PDSS2: variants seen among roughly 807,000 people sequenced by gnomAD.
The protein encoded by PDSS2 is all trans-polyprenyl-diphosphate synthase PDSS2.
Under a neutral mutation model 44.5 loss-of-function variants are expected in PDSS2, and 31 were observed. The ratio of observed to expected loss-of-function variants is 0.70; its 90% CI spans 0.52 to 0.94. The LOEUF (loss-of-function observed/expected upper bound fraction) is 0.94, where lower values mean the gene tolerates loss of function less well. Ranked by LOEUF, PDSS2 falls within the 40% of genes least tolerant of loss-of-function variation. The probability of loss-of-function intolerance (pLI) is 0.00; values close to 1 mark genes in which losing one functional copy is unlikely to be tolerated. For missense variants in PDSS2, 452 were observed against 482.2 expected (o/e 0.94, Z 0.59); for synonymous variants, 157 against 180.3 (o/e 0.87, Z 1.03).
chr6:107,355,134 T>C (rs1778558154), intron 1 of PDSS2, among the ~76,000 whole-genome samples: 1 of 152,168 alleles, frequency 6.6e-6, no homozygotes, highest in Admixed American at 6.5e-5. Flanking sequence ...GGTTTCACCA[T>C]GGTCTCGATC....
intron 1 of PDSS2, among the ~76,000 whole-genome samples, chr6:107,387,728 T>A (rs1299858170): frequency 6.6e-6 from 1 of 152,204 alleles, no homozygotes; most frequent in Non-Finnish European, 1.5e-5. Flanking sequence ...CTACTGACCA[T>A]CCCTAGAGGC....
chr6:107,292,668 T>C (rs1468088077), intron 2 of PDSS2, among the ~76,000 whole-genome samples: 2 of 152,242 alleles, frequency 1.3e-5, no homozygotes, highest in Non-Finnish European at 2.9e-5. Flanking sequence ...TGACTTACTA[T>C]ATTTAAGAAC....
intron 6 of PDSS2, among the ~76,000 whole-genome samples, chr6:107,208,007 A>C (rs1343997459): frequency 1.3e-5 from 1 of 79,980 alleles, no homozygotes; most frequent in African/African-American, 3.3e-5. Flanking sequence ...TTTTTATGAA[A>C]CAGAGTTTCA....
intron 2 of PDSS2, among the ~76,000 whole-genome samples, chr6:107,284,531 G>A (rs571497053): frequency 1.3e-5 from 2 of 151,958 alleles, no homozygotes; most frequent in South Asian, 4.2e-4. Context: ...CGTGGTGGCA[G>A]GCGCCTGTAA....
At chr6:107,277,992 A>T (rs1775844024) in intron 2 of PDSS2, among the ~76,000 whole-genome samples, 1 of 151,446 alleles carries the variant, frequency 6.6e-6, no homozygotes, top group Admixed American at 6.6e-5. Flanking sequence ...TAAATAAATA[A>T]ATAAATAAAT....
intron 2 of PDSS2, among the ~76,000 whole-genome samples, chr6:107,332,996 G>A (rs1777760411): frequency 6.6e-6 from 1 of 152,160 alleles, no homozygotes. Flanking sequence ...TGCTAATGAG[G>A]AAGGATCATT....
intron 1 of PDSS2, among the ~76,000 whole-genome samples, chr6:107,432,236 A>G (rs1781214124): frequency 6.6e-6 from 1 of 152,200 alleles, no homozygotes; most frequent in Non-Finnish European, 1.5e-5. Context: ...ATTTGGGGGG[A>G]AAGTAAACCA....
chr6:107,165,305 A>G (rs1771303179), intron 7 of PDSS2, among the ~76,000 whole-genome samples: 1 of 152,206 alleles, frequency 6.6e-6, no homozygotes, highest in Admixed American at 6.5e-5. Context: ...TAGGTCTAAC[A>G]TTTAAATCTT....
chr6:107,296,632 C>T (rs1186438265), intron 2 of PDSS2, among the ~76,000 whole-genome samples: 1 of 152,158 alleles, frequency 6.6e-6, no homozygotes, highest in African/African-American at 2.4e-5. Flanking sequence ...GAGGCTGAGG[C>T]AGGAGAATCA....
chr6:107,330,537 A>G (rs1370600788), intron 2 of PDSS2, among the ~76,000 whole-genome samples: 2 of 152,208 alleles, frequency 1.3e-5, no homozygotes, highest in Non-Finnish European at 2.9e-5. Context: ...CATCAGCCAA[A>G]ATATTCACGT....
chr6:107,393,548 A>C (rs1288993372), intron 1 of PDSS2, among the ~76,000 whole-genome samples: 1 of 152,168 alleles, frequency 6.6e-6, no homozygotes, highest in African/African-American at 2.4e-5. Flanking sequence ...CAGTCTTCTA[A>C]ATCCCTATGA....
At chr6:107,283,139 G>A (rs893937210) in intron 2 of PDSS2, among the ~76,000 whole-genome samples, 2 of 151,314 alleles carry the variant, frequency 1.3e-5, no homozygotes, top group African/African-American at 2.4e-5. Context: ...GGCAACATAG[G>A]GAGACCTCAT....
chr6:107,317,661 T>G (rs1371671777), intron 2 of PDSS2, among the ~76,000 whole-genome samples: 1 of 152,200 alleles, frequency 6.6e-6, no homozygotes, highest in Non-Finnish European at 1.5e-5. Context: ...CAACTCCTTA[T>G]TCTATGGATA....
At chr6:107,337,948 A>G (rs2115268838) in intron 1 of PDSS2, among the ~76,000 whole-genome samples, 1 of 152,330 alleles carries the variant, frequency 6.6e-6, no homozygotes, top group Middle Eastern at 3.4e-3. Flanking sequence ...GAGCATTCAG[A>G]AAAGCACATC....
chr6:107,200,747 A>G (rs936418254), intron 6 of PDSS2, among the ~76,000 whole-genome samples: 1 of 151,678 alleles, frequency 6.6e-6, no homozygotes, highest in Non-Finnish European at 1.5e-5. Flanking sequence ...GCTCACTGCA[A>G]CCTCCACCTC....
chr6:107,407,366 T>C (rs1165768478), intron 1 of PDSS2, among the ~76,000 whole-genome samples: 1 of 152,182 alleles, frequency 6.6e-6, no homozygotes, highest in Non-Finnish European at 1.5e-5. Flanking sequence ...GTGGTGATAG[T>C]TGCAAAACAA....
At chr6:107,248,987 C>T (rs570683867) in intron 3 of PDSS2, among the ~76,000 whole-genome samples, 16 of 152,340 alleles carry the variant, frequency 1.1e-4, no homozygotes, top group African/African-American at 3.6e-4. Flanking sequence ...ACCCCATCAA[C>T]TGGCAAAGTC....
chr6:107,284,720 A>G (rs960177439), intron 2 of PDSS2, among the ~76,000 whole-genome samples: 3 of 152,002 alleles, frequency 2.0e-5, no homozygotes, highest in Non-Finnish European at 4.4e-5. Context: ...TACACCCTTC[A>G]TTCCTCTTTC....
chr6:107,395,077 A>G (rs1305651436), intron 1 of PDSS2, among the ~76,000 whole-genome samples: 1 of 151,830 alleles, frequency 6.6e-6, no homozygotes, highest in Non-Finnish European at 1.5e-5. Flanking sequence ...ATCTAGGTTG[A>G]CAGCTTTGTT....
Sources: allele counts gnomAD v4.1 joint callset (sites outside exome capture counted in the v4.1 genomes callset), GRCh38; gene constraint gnomAD v4.1.1; transcripts MANE v1.5; gene names NCBI Gene and HGNC (gene_info 2026-07-23, HGNC 2026-07-21).